ARHGAP33: variants seen among roughly 807,000 people sequenced by gnomAD.
ARHGAP33 encodes the protein Rho GTPase activating protein 33.
ARHGAP33 carries 57 observed loss-of-function variants against 126.2 expected under a neutral mutation model. The observed-to-expected ratio is 0.45, with a 90% CI of 0.36 to 0.56. The LOEUF (loss-of-function observed/expected upper bound fraction) is 0.56, where lower values mean the gene tolerates loss of function less well. ARHGAP33 is among the 20% of genes least tolerant of loss of function. The pLI, the probability that ARHGAP33 is intolerant of heterozygous loss-of-function variation, is 0.00. For missense variants in ARHGAP33, 1,500 were observed against 1,748.3 expected, an observed-to-expected ratio of 0.86 and a Z score of 2.53; for synonymous variants, 711 against 755.0, an observed-to-expected ratio of 0.94 and a Z score of 0.95.
intron 12 of ARHGAP33, among the ~76,000 whole-genome samples, 181 bp downstream of exon 12, chr19:35,781,433 G>C (rs896200863): frequency 6.6e-6 from 1 of 152,168 alleles, no homozygotes; most frequent in Admixed American, 6.5e-5. Flanking sequence ...TATCTTCACC[G>C]AGCACCTGCC....
chr19:35,780,365 G>T, intron 7 of ARHGAP33, 32 bp downstream of exon 7: 1 of 1,612,362 alleles, frequency 6.2e-7, no homozygotes, highest in South Asian at 1.1e-5. Flanking sequence ...TTCCAGCTGG[G>T]CTCCCCACAC....
In ARHGAP33 at chr19:35,777,859, C is replaced by G. The variant is rs1971541088; in HGVS notation, c.140C>G (p.Ala47Gly). The change falls in exon 3 of 21, where the codon GCT becomes GGT. Residue 47 changes from alanine (A) to glycine (G), a missense_variant. Ala to Gly is a moderately conservative substitution (Grantham distance 60, BLOSUM62 0). This residue lies in a region of ARHGAP33 where 129 missense variants were observed against 145.9 expected (regional missense o/e 0.88). Coordinates refer to ENST00000007510, the MANE Select transcript of ARHGAP33 (RefSeq NM_001366178.1). ...CCTCGAGGCCCCTTCCCGCGGCTGG[C>G]TGACTGCGCCCATTTCCACTACGAG... Reference protein sequence around the residue: ...SAPRGPFPRLADCAHFHYENV... With the variant: ...SAPRGPFPRLGDCAHFHYENV... 6.2e-7 allele frequency: 1 copy of G among 1,614,132 alleles called. No individual in the cohort carries two copies. Among genetic ancestry groups the G allele is most frequent in the African/African-American group, 1.3e-5 (1 of 74,944 alleles).
In ARHGAP33 at chr19:35,788,223, CAT is replaced by C. The variant is rs1972230067; in HGVS notation, c.3660_3661del (p.His1220GlnfsTer10). 2 of 1,609,122 alleles carry C rather than the reference CAT, an allele frequency of 1.2e-6. No individual in the cohort carries two copies. Among genetic ancestry groups the C allele is most frequent in the Non-Finnish European group, 1.7e-6 (2 of 1,178,592 alleles). ...QRAPWGPRTP[H>X]RVPGPWGPPE... is the part of the protein sequence containing the mutation. ...GGCACCCTGGGGACCCCGTACCCCT[CAT>C]AGGGTGCCGGGTCCCTGGGGCCCTC... On this transcript the variant is annotated frameshift_variant, in exon 21 of 21. Coordinates refer to ENST00000007510, the MANE Select transcript of ARHGAP33 (RefSeq NM_001366178.1). LOFTEE classifies it high-confidence loss of function.
At position 35,784,987 on chromosome 19, in the gene ARHGAP33, G is replaced by C; in HGVS notation, c.1602G>C (p.Ala534=). 12 of 1,545,794 alleles carry C rather than the reference G, an allele frequency of 7.8e-6. No individual in the cohort carries two copies. The highest frequency in any genetic ancestry group is 1.0e-5 in the Non-Finnish European group (12 of 1,146,760). ...TGCTCCCCAGGCCCAAGTCCCTTGCGGGCAGCTGCCCCTCCACCCGCCTGC... is the reference window on the plus strand; with the variant it reads ...TGCTCCCCAGGCCCAAGTCCCTTGCCGGCAGCTGCCCCTCCACCCGCCTGC... ...RCLLPRPKSL[A]GSCPSTRLLT... The change falls in exon 17 of 21, where the codon GCG becomes GCC. Residue 534 remains alanine, a synonymous_variant. Transcript: ENST00000007510.
chr19:35,779,457 T>G (rs1971632793), intron 6 of ARHGAP33, among the ~76,000 whole-genome samples: 1 of 151,634 alleles, frequency 6.6e-6, no homozygotes, highest in Non-Finnish European at 1.5e-5. Flanking sequence ...TGAGATGGAG[T>G]TTTACTCTTG....
Position 35,780,121 on chromosome 19 carries a change from C to T in ARHGAP33, c.502-90C>T, listed in dbSNP as rs555696046. 7.7e-5 allele frequency: 119 copies of T among 1,537,038 alleles called. 1 individual carries two copies. The African/African-American group carries it at 1.5e-3, about 19-fold the overall frequency. On this transcript the variant is annotated intron_variant, in intron 6 of 20. Coordinates refer to ENST00000007510, the MANE Select transcript of ARHGAP33 (RefSeq NM_001366178.1). ...GACAGGGGCTCTTGACGGGGGCGGG[C>T]AGTGGCCTCACCCAGCGCGGAGGAG...
Position 35,786,033 on chromosome 19 carries a change from T to C in ARHGAP33, c.1943-380T>C. The C allele has an allele frequency of 8.8e-7, 1 of 1,141,636 alleles. No individual in the cohort carries two copies. Among genetic ancestry groups the C allele is most frequent in the Non-Finnish European group, 1.1e-6 (1 of 928,134 alleles). 70.7% of individuals were successfully genotyped at this position (1,141,636 alleles called of 1,614,324 possible). A position where few individuals can be genotyped will look rare whatever the true frequency, so the allele number is the denominator to read the frequency against. ...CCCGCCGCGCTGCTGGGTGCTGCTCTCCGACCTCTGCGGGGGGCTGCTTAT... is the reference window on the plus strand; with the variant it reads ...CCCGCCGCGCTGCTGGGTGCTGCTCCCCGACCTCTGCGGGGGGCTGCTTAT... On this transcript the variant is annotated intron_variant, in intron 19 of 20. Transcript: ENST00000007510. The surrounding 1 kb of genome is among the most constrained non-coding windows in gnomAD (Gnocchi z 7.0).
rs1054276224 is a variant in ARHGAP33 at position 35,786,399 on chromosome 19, C to T, written c.1943-14C>T. 38 of 1,522,756 alleles carry T rather than the reference C, an allele frequency of 2.5e-5. No homozygotes were observed. Among genetic ancestry groups the T allele is most frequent in the Non-Finnish European group, 3.2e-5 (37 of 1,139,138 alleles). 94.3% of individuals were successfully genotyped at this position (1,522,756 alleles called of 1,614,324 possible). ...CTGTTCTCAGGGATGGTCTCACTGA[C>T]CCCACCCCTCCAGGCCTCCAGAGGC... is the stretch of plus-strand genomic sequence containing the variant. On this transcript the variant is annotated splice_polypyrimidine_tract_variant and intron_variant, in intron 19 of 20. Transcript: ENST00000007510. The surrounding 1 kb of genome is among the most constrained non-coding windows in gnomAD (Gnocchi z 7.0).
In ARHGAP33 at chr19:35,782,768, G is replaced by A. The variant is rs748180244; in HGVS notation, c.1320G>A (p.Leu440=). 6 of 1,613,130 alleles carry A rather than the reference G, an allele frequency of 3.7e-6. No homozygotes were observed. In the Admixed American group the frequency reaches 8.3e-5, roughly 22 times the overall value. Residue 440 remains leucine, a synonymous_variant, in exon 15 of 21, where the codon CTG becomes CTA. Transcript: ENST00000007510. The surrounding 1 kb of genome is among the most constrained non-coding windows in gnomAD (Gnocchi z 4.1). ...QQLPPPHYRT[L]EYLLRHLARM... ...CCTCTGCTCCCACCCCCAGGACCCT[G>A]GAGTACCTGCTGAGGCACCTGGCCC...
In ARHGAP33 at chr19:35,778,539, G is replaced by C. The variant is rs771861946; in HGVS notation, c.346G>C (p.Asp116His). 1.9e-6 allele frequency: 3 copies of C among 1,614,170 alleles called. No homozygotes were observed. Among genetic ancestry groups the C allele is most frequent in the Non-Finnish European group, 1.7e-6 (2 of 1,180,024 alleles). Residue 116 changes from aspartate to histidine, a missense_variant, in exon 5 of 21, where the codon GAC (aspartate) becomes CAC (histidine). By Grantham distance (81) the Asp-to-His change is moderately conservative (BLOSUM62 -1). Transcript: ENST00000007510. Reference protein sequence around the residue: ...LDAHLHRCIFDRRFSCLPELP... With the variant: ...LDAHLHRCIFHRRFSCLPELP... Reference sequence around the variant, plus strand: ...TGCCCACCTCCACCGGTGCATATTTGACCGGAGGTTCTCCTGCCTTCCGGA... The same window carrying C: ...TGCCCACCTCCACCGGTGCATATTTCACCGGAGGTTCTCCTGCCTTCCGGA...
chr19:35,777,193 G>C (rs1971499405), intron 1 of ARHGAP33, among the ~76,000 whole-genome samples: 1 of 152,160 alleles, frequency 6.6e-6, no homozygotes, highest in Admixed American at 6.5e-5. Context: ...AGTCATTGAA[G>C]GCCCAGGATC....
Position 35,782,578 on chromosome 19 carries a change from C to T in ARHGAP33, c.1231-19C>T. ...GACGCCTCTGGCCCAGACCTCATCA[C>T]ACCTGCCCACCATCTCAGGAGGCCA... On this transcript the variant is annotated intron_variant, in intron 13 of 20. Coordinates refer to ENST00000007510, the MANE Select transcript of ARHGAP33 (RefSeq NM_001366178.1). The surrounding 1 kb of genome is among the most constrained non-coding windows in gnomAD (Gnocchi z 4.1). 1 of 1,613,730 alleles carries T rather than the reference C, an allele frequency of 6.2e-7. No individual in the cohort carries two copies.
chr19:35,782,599 G>A lies in ARHGAP33; in HGVS notation c.1233G>A (p.Glu411=), dbSNP rs772233109. The change falls in exon 14 of 21, where the codon GAG becomes GAA. Residue 411 remains glutamate, a splice_region_variant and synonymous_variant. Coordinates refer to ENST00000007510, the MANE Select transcript of ARHGAP33 (RefSeq NM_001366178.1). This position sits in a 1 kb window ranked among gnomAD's most constrained non-coding sequence, Gnocchi z 4.1. ...ATCACACCTGCCCACCATCTCAGGA[G>A]GCCATGTCAGTGCCTGGGGAGGAGG... ...LTYQLYGKFS[E]AMSVPGEEER... is the part of the protein sequence containing the mutation. 37 of 1,613,752 alleles carry A rather than the reference G, an allele frequency of 2.3e-5. No homozygotes were observed. The highest frequency in any genetic ancestry group is 3.1e-5 in the Non-Finnish European group (37 of 1,179,946).
Position 35,788,731 on chromosome 19 carries a change from C to A in ARHGAP33, c.*302C>A. ...AGCCCCCAGCATGTCCTGACCTGTG[C>A]ACGGGGATGGGGGGACAACTCCTAC... On this transcript the variant is annotated 3_prime_UTR_variant, in exon 21 of 21. Transcript: ENST00000007510. The A allele has an allele frequency of 3.0e-6, 1 of 336,658 alleles. No individual in the cohort carries two copies. Among genetic ancestry groups the A allele is most frequent in the Non-Finnish European group, 5.4e-6 (1 of 185,578 alleles). The allele number at this position is 336,658 out of a possible 1,614,324, so 20.9% of individuals were successfully genotyped here. A position where few individuals can be genotyped will look rare whatever the true frequency, so the allele number is the denominator to read the frequency against.
chr19:35,783,299 G>A (rs1971901895), intron 15 of ARHGAP33, among the ~76,000 whole-genome samples: 1 of 152,232 alleles, frequency 6.6e-6, no homozygotes, highest in African/African-American at 2.4e-5. Flanking sequence ...GGAGTTCACA[G>A]TCTTCTGGGG....
chr19:35,785,212 A>T lies in ARHGAP33; in HGVS notation c.1745A>T (p.Lys582Met). Reference protein sequence around the residue: ...AERRKGERGEKQRKPGGSSWK... With the variant: ...AERRKGERGEMQRKPGGSSWK... ...AGGAGGAAAGGGGAGAGAGGGGAGA[A>T]GCAGCGGAAGCCAGGGGGCAGCAGC... Residue 582 changes from lysine to methionine, a missense_variant, in exon 18 of 21, where the codon AAG becomes ATG. By Grantham distance (95) the Lys-to-Met change is moderately conservative. Transcript: ENST00000007510. 6.3e-7 allele frequency: 1 copy of T among 1,579,188 alleles called. No homozygotes were observed. The highest frequency in any genetic ancestry group is 1.4e-5 in the African/African-American group (1 of 73,698).
At position 35,786,008 on chromosome 19, in the gene ARHGAP33, C is replaced by A; in HGVS notation, c.1943-405C>A. 9.0e-7 allele frequency: 1 copy of A among 1,110,388 alleles called. No homozygotes were observed. Among genetic ancestry groups the A allele is most frequent in the Non-Finnish European group, 1.1e-6 (1 of 908,766 alleles). The allele number at this position is 1,110,388 out of a possible 1,614,324, so 68.8% of individuals were successfully genotyped here. On this transcript the variant is annotated intron_variant, in intron 19 of 20. Coordinates refer to ENST00000007510, the MANE Select transcript of ARHGAP33 (RefSeq NM_001366178.1). The surrounding 1 kb of genome is among the most constrained non-coding windows in gnomAD (Gnocchi z 7.0). The stretch of plus-strand genomic sequence containing the variant: ...CTTTTTCTCCATCGCTACCTCACAG[C>A]CCGCCGCGCTGCTGGGTGCTGCTCT...
Position 35,786,370 on chromosome 19 carries a change from C to T in ARHGAP33, c.1943-43C>T, listed in dbSNP as rs1191296895. ...TTCCCCAGCTTTCTGTGGGGCTGTG[C>T]GCCCTGTTCTCAGGGATGGTCTCAC... On this transcript the variant is annotated intron_variant, in intron 19 of 20. Coordinates refer to ENST00000007510, the MANE Select transcript of ARHGAP33 (RefSeq NM_001366178.1). The surrounding 1 kb of genome is among the most constrained non-coding windows in gnomAD (Gnocchi z 7.0). 2.7e-6 allele frequency: 4 copies of T among 1,493,750 alleles called. No homozygotes were observed. Among genetic ancestry groups the T allele is most frequent in the African/African-American group, 2.8e-5 (2 of 72,182 alleles). The allele number at this position is 1,493,750 out of a possible 1,614,324, so 92.5% of individuals were successfully genotyped here.
chr19:35,786,832 G>C lies in ARHGAP33; in HGVS notation c.2362G>C (p.Ala788Pro). 7.2e-7 allele frequency: 1 copy of C among 1,382,344 alleles called. No homozygotes were observed. The highest frequency in any genetic ancestry group is 9.6e-7 in the Non-Finnish European group (1 of 1,046,818). 85.6% of individuals were successfully genotyped at this position (1,382,344 alleles called of 1,614,324 possible). ...AISPRGPTSP[A>P]SPAALDISEP... ...CTCGCCCCGGGGGCCCACCAGCCCCGCCTCGCCTGCTGCCCTAGACATCTC... is the reference window on the plus strand; with the variant it reads ...CTCGCCCCGGGGGCCCACCAGCCCCCCCTCGCCTGCTGCCCTAGACATCTC... The change falls in exon 20 of 21, where the codon GCC becomes CCC. Residue 788 changes from alanine to proline, a missense_variant. Physicochemically the swap from Ala to Pro is conservative, Grantham distance 27 (BLOSUM62 -1). Transcript: ENST00000007510. This position sits in a 1 kb window ranked among gnomAD's most constrained non-coding sequence, Gnocchi z 7.0.
Sources: gnomAD v4.1 joint callset for allele counts (sites outside exome capture counted in the v4.1 genomes callset) on GRCh38, gnomAD v4.1.1 for gene constraint, gnomAD v4.1.1 regional missense constraint, Gnocchi (gnomAD v3.1) non-coding constraint, MANE v1.5 for transcripts, NCBI Gene and HGNC (gene_info 2026-07-23, HGNC 2026-07-21) for gene names.